The following ATG13 variants were observed in gnomAD, a reference collection of about 807,000 sequenced individuals.
ATG13 encodes autophagy-related protein 13.
Under a neutral mutation model 65.5 loss-of-function variants are expected in ATG13, and 23 were observed. The ratio of observed to expected loss-of-function variants is 0.35; its 90% CI spans 0.25 to 0.50. The LOEUF (loss-of-function observed/expected upper bound fraction) is 0.50. Among genes scored for constraint, ATG13 ranks in the 20% least tolerant of loss-of-function variants. The pLI is 0.98. For missense variants in ATG13, 566 were observed against 677.0 expected (o/e 0.84, Z 1.82); for synonymous variants, 252 against 245.2 (o/e 1.03, Z -0.26).
At chr11:46,665,259 TGCCTACTTGGTGGCA>T in intron 13 of ATG13, 109 bp from the exon 14 acceptor site, 1 of 1,230,720 alleles carries the variant, frequency 8.1e-7, no homozygotes, top group Non-Finnish European at 1.1e-6. Context: ...CAGGGATTGC[TGCCTACTTGGTGGCA>T]GCGTTGGTGA....
intron 6 of ATG13, 138 bp from the exon 7 acceptor site, chr11:46,650,039 G>T (rs1261263999): frequency 1.2e-5 from 11 of 897,838 alleles, no homozygotes; most frequent in Non-Finnish European, 1.6e-5. Flanking sequence ...GTAAAACATT[G>T]GCTTACCTCA....
intron 14 of ATG13, among the ~76,000 whole-genome samples, 184 bp from the exon 15 acceptor site, chr11:46,667,589 A>G (rs772882554): frequency 2.4e-4 from 37 of 152,174 alleles, no homozygotes; most frequent in Non-Finnish European, 3.5e-4. Flanking sequence ...GCCCTCTACA[A>G]TCAACTCAAA....
chr11:46,672,510 C>T lies in ATG13; in HGVS notation c.*178C>T. 5 of 1,467,330 alleles carry T rather than the reference C, an allele frequency of 3.4e-6. No homozygotes were observed. The highest frequency in any genetic ancestry group is 3.6e-6 in the Non-Finnish European group (4 of 1,110,754). The allele number at this position is 1,467,330 out of a possible 1,614,324, so 90.9% of individuals were successfully genotyped here. A position where few individuals can be genotyped will look rare whatever the true frequency, so the allele number is the denominator to read the frequency against. On this transcript the variant is annotated 3_prime_UTR_variant, in exon 19 of 19. Coordinates refer to ENST00000683050, the MANE Select transcript of ATG13 (RefSeq NM_001346311.2). ...GGACCTCCTGGAGACTCCGTGGCGG[C>T]AGTCAAGCCCAGTGCCCAGTTGGAG...
Position 46,659,446 on chromosome 11 carries a change from A to C in ATG13, c.750A>C (p.Glu250Asp), listed in dbSNP as rs1247988737. 6.8e-6 allele frequency: 11 copies of C among 1,614,114 alleles called. No individual in the cohort carries two copies. The highest frequency in any genetic ancestry group is 9.3e-6 in the Non-Finnish European group (11 of 1,179,958). The change falls in exon 11 of 19, where the codon GAA becomes GAC. Residue 250 changes from glutamate to aspartate, a missense_variant. This residue lies in a region of ATG13 where 387 missense variants were observed against 409.8 expected (regional missense o/e 0.94). Transcript: ENST00000683050. ...VIYPSVEDSQ[E>D]VCTTSFSTSP... ...ACCCGTCTGTAGAAGACTCTCAAGA[A>C]GTGTGTACCACCTCTTTTTCCACCT...
chr11:46,647,250 G>A (rs1332490104), intron 5 of ATG13, among the ~76,000 whole-genome samples: 1 of 150,732 alleles, frequency 6.6e-6, no homozygotes, highest in African/African-American at 2.4e-5. Flanking sequence ...GGTGGTGGTG[G>A]TGGTTGCTTT....
chr11:46,649,418 C>G (rs1335903456), intron 6 of ATG13, among the ~76,000 whole-genome samples: 2 of 152,208 alleles, frequency 1.3e-5, no homozygotes, highest in African/African-American at 2.4e-5. Context: ...AAAGGAGCAG[C>G]AGAAAAAGCT....
intron 2 of ATG13, among the ~76,000 whole-genome samples, chr11:46,631,461 G>A (rs1445285160): frequency 1.3e-5 from 2 of 152,206 alleles, no homozygotes; most frequent in African/African-American, 4.8e-5. Flanking sequence ...ATTATCTTTT[G>A]CACTTAAGTA....
chr11:46,620,440 TAAGAG>T (rs1481985061), intron 1 of ATG13, among the ~76,000 whole-genome samples: 1 of 151,866 alleles, frequency 6.6e-6, no homozygotes, highest in African/African-American at 2.4e-5. Context: ...CCCTTGGTCA[TAAGAG>T]AAGGGATGAG....
intron 2 of ATG13, among the ~76,000 whole-genome samples, chr11:46,632,846 T>C (rs2052300848): frequency 6.6e-6 from 1 of 151,360 alleles, no homozygotes. Flanking sequence ...TTGACACATC[T>C]CTTTCTCTCT....
rs534564731 is a variant in ATG13 at position 46,624,054 on chromosome 11, G to GA, written c.-69-5990dup. ...TGGAGTCTCGCTGTCACCCAGGCTG[G>GA]AGTACAGTGGCGCAATCTCGGCTCC... On this transcript the variant is annotated intron_variant, in intron 1 of 18. Coordinates refer to ENST00000683050, the MANE Select transcript of ATG13 (RefSeq NM_001346311.2). Among the ~76,000 whole-genome samples the GA allele has an allele frequency of 2.6e-3, 400 of 151,272 alleles. 2 individuals carry two copies. The highest frequency in any genetic ancestry group is 9.4e-3 in the African/African-American group (386 of 41,174).
intron 7 of ATG13, among the ~76,000 whole-genome samples, chr11:46,652,038 AG>A (rs1213316474): frequency 1.3e-5 from 2 of 152,050 alleles, no homozygotes; most frequent in African/African-American, 4.8e-5. Context: ...ACTTGAGGTT[AG>A]GAGTTCGAGA....
At chr11:46,665,945 C>T (rs991404164) in intron 14 of ATG13, among the ~76,000 whole-genome samples, 17 of 151,534 alleles carry the variant, frequency 1.1e-4, no homozygotes, top group Admixed American at 7.2e-4. Context: ...GTTGGGATTA[C>T]GGGCGCGTGC....
intron 2 of ATG13, among the ~76,000 whole-genome samples, chr11:46,641,142 G>A (rs933550872): frequency 1.3e-5 from 2 of 152,072 alleles, no homozygotes; most frequent in Non-Finnish European, 1.5e-5. Flanking sequence ...GTGCGATCTC[G>A]GCTCACTGCA....
intron 2 of ATG13, among the ~76,000 whole-genome samples, chr11:46,631,694 G>A (rs1348985266): frequency 5.3e-5 from 8 of 152,066 alleles, no homozygotes; most frequent in Non-Finnish European, 1.2e-4. Context: ...GGAGACACCC[G>A]ACCCACCCCA....
rs2058425356 is a variant in ATG13, at chr11:46,649,305, A to G, written c.317+122A>G. 6 of 1,109,810 alleles carry G rather than the reference A, an allele frequency of 5.4e-6. No individual in the cohort carries two copies. In the East Asian group the frequency reaches 1.3e-4, roughly 23 times the overall value. The allele number at this position is 1,109,810 out of a possible 1,614,324, so 68.7% of individuals were successfully genotyped here. ...GGCATTCTGACCACTTAACAAAGCC[A>G]ATAGGTCTTTGCTACAATTTGCTTC... On this transcript the variant is annotated intron_variant, in intron 6 of 18. Coordinates refer to ENST00000683050, the MANE Select transcript of ATG13 (RefSeq NM_001346311.2).
intron 1 of ATG13, among the ~76,000 whole-genome samples, chr11:46,625,598 C>G (rs1193778191): frequency 6.6e-6 from 1 of 152,062 alleles, no homozygotes; most frequent in Admixed American, 6.6e-5. Flanking sequence ...GATTGCCCAT[C>G]CCCCCAGGTG....
chr11:46,628,360 G>A (rs926369012), intron 1 of ATG13, among the ~76,000 whole-genome samples: 25 of 152,060 alleles, frequency 1.6e-4, no homozygotes, highest in African/African-American at 6.0e-4. Flanking sequence ...TCGTGCCACT[G>A]CATACCAGTC....
chr11:46,637,465 A>G (rs948147386), intron 2 of ATG13, among the ~76,000 whole-genome samples: 7 of 152,086 alleles, frequency 4.6e-5, no homozygotes, highest in Admixed American at 2.0e-4. Flanking sequence ...ATGTTTTTCC[A>G]GGGTTCAAGT....
At position 46,617,908 on chromosome 11, in the gene ATG13, G is replaced by C; in HGVS notation, c.-70+18G>C. The C allele has an allele frequency of 2.5e-6, 1 of 399,130 alleles. No homozygotes were observed. Among genetic ancestry groups the C allele is most frequent in the Non-Finnish European group, 4.4e-6 (1 of 226,138 alleles). 24.7% of individuals were successfully genotyped at this position (399,130 alleles called of 1,614,324 possible). ...CTTCGCAGGTACTAACTTTTGCGGGGGATACCCCAAGATCTCTCAGCGCCC... is the reference window on the plus strand; with the variant it reads ...CTTCGCAGGTACTAACTTTTGCGGGCGATACCCCAAGATCTCTCAGCGCCC... On this transcript the variant is annotated intron_variant, in intron 1 of 18. Coordinates refer to ENST00000683050, the MANE Select transcript of ATG13 (RefSeq NM_001346311.2).
Sources: gnomAD v4.1 joint callset for allele counts (sites outside exome capture counted in the v4.1 genomes callset) on GRCh38, gnomAD v4.1.1 for gene constraint, gnomAD v4.1.1 regional missense constraint, MANE v1.5 for transcripts, NCBI Gene and HGNC (gene_info 2026-07-23, HGNC 2026-07-21) for gene names.